Variants in CIITA observed in about 807,000 individuals in gnomAD.
CIITA encodes class II major histocompatibility complex transactivator.
In CIITA, 72 loss-of-function variants were observed where a neutral mutation model predicts 115.1. The observed-to-expected ratio is 0.63, with a 90% CI of 0.52 to 0.76. CIITA has a LOEUF of 0.76. CIITA is among the 30% of genes least tolerant of loss of function. The pLI is 0.00. For synonymous variants in CIITA, 763 were observed against 635.6 expected (o/e 1.20, Z -3.02); for missense variants, 1,617 against 1,463.8 (o/e 1.10, Z -1.71).
chr16:10,875,762 C>T (rs2035791480), upstream of CIITA, among the ~76,000 whole-genome samples: 1 of 152,094 alleles, frequency 6.6e-6, no homozygotes, highest in South Asian at 2.1e-4. Flanking sequence ...CCTCCAACTC[C>T]TGGGCACACT....
rs775983190 is a variant in CIITA, at chr16:10,902,686, C to T, written c.657C>T (p.Cys219=). ...PMPFSSSSLS[C]LNLPEGPIQF... ...CTTTCTCCAGTTCCTCGTTGAGCTG[C>T]CTGAATCTCCCTGAGGGACCCATCC... The change falls in exon 8 of 20, where the codon TGC becomes TGT. Residue 219 remains cysteine (C), a synonymous_variant. Transcript: ENST00000324288. 1.7e-5 allele frequency: 28 copies of T among 1,614,138 alleles called. No individual in the cohort carries two copies. Among genetic ancestry groups the T allele is most frequent in the African/African-American group, 2.7e-5 (2 of 74,942 alleles).
intron 3 of CIITA, 130 bp from the exon 4 acceptor site, chr16:10,898,540 T>C (rs2038371297): frequency 3.4e-6 from 2 of 592,718 alleles, no homozygotes; most frequent in East Asian, 3.2e-5. Context: ...TGATCATTCA[T>C]TCATTCAACA....
In CIITA at chr16:10,941,971, G is replaced by C. The variant is rs2145449346; in HGVS notation, n.1097G>C. On this transcript the variant is annotated non_coding_transcript_exon_variant, in exon 2 of 2. Coordinates refer to the CIITA transcript ENST00000573379. This position sits in a 1 kb window ranked among gnomAD's most constrained non-coding sequence, Gnocchi z 6.4. The stretch of plus-strand genomic sequence containing the variant: ...CACGTAGGGGACCAGGGGGCCCAGT[G>C]CGTCCAGGTGGGCCGCGACCCGGGC... 6.5e-7 allele frequency: 1 copy of C among 1,529,574 alleles called. No homozygotes were observed. Among genetic ancestry groups the C allele is most frequent in the African/African-American group, 1.4e-5 (1 of 71,216 alleles). 94.8% of individuals were successfully genotyped at this position (1,529,574 alleles called of 1,614,324 possible).
downstream of CIITA, chr16:10,937,020 T>C (rs1226755473): frequency 1.3e-5 from 2 of 152,244 alleles, no homozygotes; most frequent in South Asian, 2.1e-4. This position sits in a 1 kb window ranked among gnomAD's most constrained non-coding sequence, Gnocchi z 4.2. Context: ...AGACCCTGCC[T>C]GTTTCTTGGC....
At chr16:10,903,636 G>T in intron 8 of CIITA, 95 bp from the exon 9 acceptor site, 1 of 1,326,742 alleles carries the variant, frequency 7.5e-7, no homozygotes, top group South Asian at 1.2e-5. Context: ...CAGACTTCCT[G>T]AGCTCCACAG....
chr16:10,890,902 T>C (rs1020306503), intron 1 of CIITA, among the ~76,000 whole-genome samples: 2 of 152,206 alleles, frequency 1.3e-5, no homozygotes, highest in South Asian at 4.1e-4. Context: ...TTTATAGATA[T>C]GGAAACTGAG....
Position 10,907,125 on chromosome 16 carries a change from C to G in CIITA, c.1633C>G (p.Leu545Val). ...KKLLRGCTLL[L>V]TARPRGRLVQ... The stretch of plus-strand genomic sequence containing the variant: ...GCTGCTCCGAGGTTGCACCCTCCTC[C>G]TCACAGCCCGGCCCCGGGGCCGCCT... Residue 545 changes from leucine (L) to valine (V), a missense_variant, in exon 11 of 20, where the codon CTC becomes GTC. Coordinates refer to ENST00000324288, the MANE Select transcript of CIITA (RefSeq NM_000246.4). This position sits in a 1 kb window ranked among gnomAD's most constrained non-coding sequence, Gnocchi z 5.0. The G allele has an allele frequency of 6.2e-7, 1 of 1,612,034 alleles. No homozygotes were observed. The highest frequency in any genetic ancestry group is 8.5e-7 in the Non-Finnish European group (1 of 1,179,800).
chr16:10,867,971 A>G (rs2035210668), intron 1 of CIITA, among the ~76,000 whole-genome samples: 1 of 152,156 alleles, frequency 6.6e-6, no homozygotes, highest in Non-Finnish European at 1.5e-5. Flanking sequence ...TATGTTGACC[A>G]GGCTGCTTGC....
rs770036332 is a variant in CIITA at position 10,909,041 on chromosome 16, C to T, written c.2670C>T (p.Ser890=). The change falls in exon 12 of 20, where the codon AGC becomes AGT. Residue 890 remains serine, a synonymous_variant. Coordinates refer to ENST00000324288, the MANE Select transcript of CIITA (RefSeq NM_000246.4). The part of the protein sequence containing the change: ...SCVTRFRAAL[S]DTVALWESLQ... ...CCTCCCTCCACAGGGCTGCCTTGAGCGACACGGTGGCGCTGTGGGAGTCCC... is the reference window on the plus strand; with the variant it reads ...CCTCCCTCCACAGGGCTGCCTTGAGTGACACGGTGGCGCTGTGGGAGTCCC... 9.3e-6 allele frequency: 15 copies of T among 1,614,130 alleles called. No individual in the cohort carries two copies. The highest frequency in any genetic ancestry group is 6.7e-5 in the East Asian group (3 of 44,886).
chr16:10,916,290 G>A, intron 14 of CIITA, 77 bp from the exon 15 acceptor site: 1 of 1,366,912 alleles, frequency 7.3e-7, no homozygotes, highest in Non-Finnish European at 1.0e-6. Context: ...CAGGGCTGAG[G>A]AGGCCCTCAC....
chr16:10,875,355 A>G (rs1450578899), upstream of CIITA, among the ~76,000 whole-genome samples: 1 of 152,118 alleles, frequency 6.6e-6, no homozygotes, highest in East Asian at 1.9e-4. Flanking sequence ...GTCAATTTCT[A>G]CCCCACTCCT....
upstream of CIITA, chr16:10,877,162 T>G (rs2035903506): frequency 8.7e-6 from 6 of 688,810 alleles, no homozygotes; most frequent in South Asian, 9.4e-5. Flanking sequence ...TTTCTTTGCA[T>G]GTTGGCTTAG....
chr16:10,915,122 C>G (rs988053634), intron 13 of CIITA: 4 of 441,540 alleles, frequency 9.1e-6, no homozygotes, highest in Non-Finnish European at 1.4e-5. Context: ...GTGATCATGG[C>G]TCACTGCATC....
chr16:10,873,185 G>C (rs1311569139), upstream of CIITA, among the ~76,000 whole-genome samples: 1 of 152,078 alleles, frequency 6.6e-6, no homozygotes, highest in Non-Finnish European at 1.5e-5. Context: ...GTTTCCCACG[G>C]CTGGTCTCAA....
At chr16:10,886,999 A>G (rs2037015762) in intron 1 of CIITA, among the ~76,000 whole-genome samples, 1 of 152,200 alleles carries the variant, frequency 6.6e-6, no homozygotes, top group African/African-American at 2.4e-5. Context: ...TGACTTTCTT[A>G]CGGGGTGCTC....
rs751554859 is a variant in CIITA, at chr16:10,901,841, A to C, written c.482-197A>C. The C allele has an allele frequency of 2.4e-6, 2 of 822,666 alleles. No individual in the cohort carries two copies. The highest frequency in any genetic ancestry group is 4.0e-6 in the Non-Finnish European group (2 of 502,690). 51.0% of individuals were successfully genotyped at this position (822,666 alleles called of 1,614,324 possible). ...TAGGGTCCTGCTCAGCATAGCTCTCAGAGCCAAGTCACAAGGAGAGGACTG... is the reference window on the plus strand; with the variant it reads ...TAGGGTCCTGCTCAGCATAGCTCTCCGAGCCAAGTCACAAGGAGAGGACTG... On this transcript the variant is annotated intron_variant, in intron 6 of 19. Coordinates refer to ENST00000324288, the MANE Select transcript of CIITA (RefSeq NM_000246.4). The surrounding 1 kb of genome is among the most constrained non-coding windows in gnomAD (Gnocchi z 6.8).
rs951828504 is a variant in CIITA at position 10,925,715 on chromosome 16, T to TACACAC, written c.*1865_*1870dup. The TACACAC allele has an allele frequency of 6.6e-6, 1 of 152,262 alleles. No homozygotes were observed. Among genetic ancestry groups the TACACAC allele is most frequent in the Non-Finnish European group, 1.5e-5 (1 of 68,054 alleles). The allele number at this position is 152,262 out of a possible 1,614,324, so 9.4% of individuals were successfully genotyped here. A position where few individuals can be genotyped will look rare whatever the true frequency, so the allele number is the denominator to read the frequency against. On this transcript the variant is annotated 3_prime_UTR_variant, in exon 20 of 20. Transcript: ENST00000324288. ...GCACGTGTGTGCACGTACACACACATACACACACACGCGTGCACACACCAG... is the reference window on the plus strand; with the variant it reads ...GCACGTGTGTGCACGTACACACACATACACACACACACACACGCGTGCACACACCAG...
chr16:10,921,872 T>C (rs527404028), intron 16 of CIITA, among the ~76,000 whole-genome samples: 2 of 152,342 alleles, frequency 1.3e-5, no homozygotes, highest in Admixed American at 6.5e-5. Context: ...ACTGAGATCC[T>C]AGAAGCAATC....
intron 15 of CIITA, 106 bp downstream of exon 15, chr16:10,916,565 T>A: frequency 1.1e-6 from 1 of 945,068 alleles, no homozygotes. Context: ...GCTCGCTGTG[T>A]CACCCAGGCT....
Sources: gnomAD v4.1 joint callset for allele counts (sites outside exome capture counted in the v4.1 genomes callset) on GRCh38, gnomAD v4.1.1 for gene constraint, Gnocchi (gnomAD v3.1) non-coding constraint, MANE v1.5 for transcripts, NCBI Gene and HGNC (gene_info 2026-07-23, HGNC 2026-07-21) for gene names.